SUPT3H: variants seen among roughly 807,000 people sequenced by gnomAD.
SUPT3H encodes the protein transcription initiation protein SPT3 homolog.
SUPT3H carries 44 observed loss-of-function variants against 44.3 expected under a neutral mutation model. That is an observed-to-expected ratio of 0.99 (90% CI 0.78 to 1.28). The LOEUF is 1.28. SUPT3H is among the 50% of genes most tolerant of loss of function. The probability of loss-of-function intolerance (pLI) is 0.00; values close to 1 mark genes in which losing one functional copy is unlikely to be tolerated. For missense variants in SUPT3H, 380 were observed against 387.1 expected (o/e 0.98, Z 0.15); for synonymous variants, 124 against 125.6 (o/e 0.99, Z 0.09).
At chr6:44,830,227 T>G (rs565609276) in intron 10 of SUPT3H, among the ~76,000 whole-genome samples, 1 of 152,314 alleles carries the variant, frequency 6.6e-6, no homozygotes, top group African/African-American at 2.4e-5. Context: ...ACTAAGTATC[T>G]TAATAGTCTA....
At chr6:44,851,068 G>A (rs184290695) in intron 10 of SUPT3H, among the ~76,000 whole-genome samples, 488 of 152,208 alleles carry the variant, frequency 3.2e-3, no homozygotes, top group Non-Finnish European at 5.6e-3. Flanking sequence ...TTCATGTGAT[G>A]GAATTCTGGA....
intron 9 of SUPT3H, among the ~76,000 whole-genome samples, chr6:44,941,448 C>T (rs527841526): frequency 4.0e-4 from 61 of 152,078 alleles, no homozygotes; most frequent in Non-Finnish European, 3.4e-4. Flanking sequence ...TTCAGTACTT[C>T]GAAAATGCCA....
At chr6:44,901,177 GACT>G (rs772753736) in intron 10 of SUPT3H, among the ~76,000 whole-genome samples, 3 of 152,222 alleles carry the variant, frequency 2.0e-5, no homozygotes, top group Non-Finnish European at 2.9e-5. Context: ...GATGGAGAAT[GACT>G]TTGACAAGTT....
intron 2 of SUPT3H, among the ~76,000 whole-genome samples, chr6:45,285,909 T>A (rs1392014453): frequency 6.6e-6 from 1 of 151,694 alleles, no homozygotes; most frequent in Non-Finnish European, 1.5e-5. Flanking sequence ...TATAGACCAA[T>A]GGAAAAGAAC....
At chr6:45,110,607 G>A (rs1236642642) in intron 2 of SUPT3H, among the ~76,000 whole-genome samples, 1 of 151,650 alleles carries the variant, frequency 6.6e-6, no homozygotes, top group Non-Finnish European at 1.5e-5. Flanking sequence ...AAAAATGAAG[G>A]AGCTTTACTA....
intron 2 of SUPT3H, among the ~76,000 whole-genome samples, chr6:45,332,888 A>G (rs1787789809): frequency 6.6e-6 from 1 of 151,718 alleles, no homozygotes; most frequent in South Asian, 2.1e-4. Flanking sequence ...AGACTTCTCA[A>G]TACGTTACCT....
chr6:45,009,557 T>G (rs1232788538), intron 5 of SUPT3H, among the ~76,000 whole-genome samples: 1 of 152,130 alleles, frequency 6.6e-6, no homozygotes, highest in Non-Finnish European at 1.5e-5. Flanking sequence ...CAGCAATATT[T>G]GTCAAAATGG....
intron 6 of SUPT3H, among the ~76,000 whole-genome samples, chr6:44,967,386 C>T (rs1249088455): frequency 6.6e-6 from 1 of 152,120 alleles, no homozygotes; most frequent in Non-Finnish European, 1.5e-5. Context: ...TGCTAATATC[C>T]CTACAGATAC....
intron 3 of SUPT3H, among the ~76,000 whole-genome samples, chr6:45,067,636 T>C (rs1419023618): frequency 6.7e-6 from 1 of 150,370 alleles, no homozygotes; most frequent in Non-Finnish European, 1.5e-5. Context: ...AACAACCCCA[T>C]CAAAAAGTGG....
chr6:44,829,207 T>C lies in SUPT3H; in HGVS notation c.*609A>G, dbSNP rs543244421. 1 of 152,388 alleles carries C rather than the reference T, an allele frequency of 6.6e-6. No homozygotes were observed. The highest frequency in any genetic ancestry group is 2.1e-4 in the South Asian group (1 of 4,820). The allele number at this position is 152,388 out of a possible 1,614,324, so 9.4% of individuals were successfully genotyped here. ...AGGAAAAACACACATGAAAGGCAGA[T>C]GGCAGGAAGTTGGGAAGCAGGCATT... is the stretch of plus-strand genomic sequence containing the variant. On this transcript the variant is annotated 3_prime_UTR_variant, in exon 11 of 11. Transcript: ENST00000371459.
chr6:44,921,012 G>A (rs1768625880), intron 10 of SUPT3H, among the ~76,000 whole-genome samples: 1 of 152,130 alleles, frequency 6.6e-6, no homozygotes, highest in African/African-American at 2.4e-5. Flanking sequence ...CCGTATCTAA[G>A]GGACTGTCCC....
intron 2 of SUPT3H, among the ~76,000 whole-genome samples, chr6:45,229,417 T>C (rs947572065): frequency 2.6e-5 from 4 of 152,030 alleles, no homozygotes; most frequent in African/African-American, 9.7e-5. Flanking sequence ...CAGGATGAAA[T>C]AGGAGTATGA....
chr6:44,970,073 T>TA (rs1370906062), intron 6 of SUPT3H, among the ~76,000 whole-genome samples: 1 of 152,188 alleles, frequency 6.6e-6, no homozygotes, highest in African/African-American at 2.4e-5. Flanking sequence ...CAGTTTTTTT[T>TA]ATCTATATCC....
intron 10 of SUPT3H, among the ~76,000 whole-genome samples, chr6:44,838,825 C>T (rs1022918988): frequency 1.4e-4 from 22 of 152,326 alleles, no homozygotes; most frequent in African/African-American, 5.1e-4. Flanking sequence ...ATGCCTCTTC[C>T]ATGCCTTTGT....
At chr6:45,191,582 A>G (rs183282673) in intron 2 of SUPT3H, among the ~76,000 whole-genome samples, 1 of 152,102 alleles carries the variant, frequency 6.6e-6, no homozygotes, top group Non-Finnish European at 1.5e-5. Flanking sequence ...TAACATATCA[A>G]TATTGGCTCA....
intron 2 of SUPT3H, among the ~76,000 whole-genome samples, chr6:45,317,165 T>G (rs1335334556): frequency 7.2e-6 from 1 of 139,490 alleles, no homozygotes; most frequent in Non-Finnish European, 1.5e-5. Flanking sequence ...AGGTAGAGGT[T>G]GCAGTGAGTT....
chr6:45,278,230 C>T (rs1777351773), intron 2 of SUPT3H, among the ~76,000 whole-genome samples: 1 of 151,878 alleles, frequency 6.6e-6, no homozygotes, highest in Non-Finnish European at 1.5e-5. Flanking sequence ...CACCATGGCA[C>T]ATGTATACCT....
At chr6:45,133,489 G>C (rs1342443051) in intron 2 of SUPT3H, among the ~76,000 whole-genome samples, 1 of 152,088 alleles carries the variant, frequency 6.6e-6, no homozygotes, top group Non-Finnish European at 1.5e-5. Flanking sequence ...GATTGATCCA[G>C]TCCTGCTTGA....
intron 10 of SUPT3H, among the ~76,000 whole-genome samples, chr6:44,929,373 TG>T (rs1304483832): frequency 1.3e-5 from 2 of 152,118 alleles, no homozygotes; most frequent in East Asian, 3.8e-4. Context: ...TATTGGTAAA[TG>T]GATATATATA....
Sources: allele counts gnomAD v4.1 joint callset (sites outside exome capture counted in the v4.1 genomes callset), GRCh38; gene constraint gnomAD v4.1.1; transcripts MANE v1.5; gene names NCBI Gene and HGNC (gene_info 2026-07-23, HGNC 2026-07-21).